NPC1L1: variants seen among roughly 807,000 people sequenced by gnomAD.
The protein encoded by NPC1L1 is NPC1 like intracellular cholesterol transporter 1.
In NPC1L1, 98 loss-of-function variants were observed where a neutral mutation model predicts 117.0. That is an observed-to-expected ratio of 0.84 (90% confidence interval 0.71 to 0.99). The LOEUF is 0.99. NPC1L1 is among the 50% of genes least tolerant of loss of function. The probability of loss-of-function intolerance (pLI) is 0.00; values close to 1 mark genes in which losing one functional copy is unlikely to be tolerated. For synonymous variants in NPC1L1, 729 were observed against 727.6 expected (o/e 1.00, Z -0.03); for missense variants, 1,540 against 1,710.0 (o/e 0.90, Z 1.75).
chr7:44,517,145 T>C, intron 15 of NPC1L1, 62 bp downstream of exon 15: 1 of 1,609,118 alleles, frequency 6.2e-7, no homozygotes, highest in South Asian at 1.1e-5. Context: ...CCCTCCACCC[T>C]AACCTCCAGT....
At chr7:44,532,934 T>G (rs978422166) in intron 8 of NPC1L1, among the ~76,000 whole-genome samples, 1 of 152,056 alleles carries the variant, frequency 6.6e-6, no homozygotes, top group African/African-American at 2.4e-5. Context: ...TGAAACCCCA[T>G]CTCTATTAAA....
At chr7:44,522,997 A>T (rs557168521) in intron 10 of NPC1L1, among the ~76,000 whole-genome samples, 4 of 152,340 alleles carry the variant, frequency 2.6e-5, no homozygotes, top group African/African-American at 9.6e-5. Context: ...GCACAGTAGG[A>T]AGTGTCAGGA....
At position 44,522,555 on chromosome 7, in the gene NPC1L1, T is replaced by G. The variant is rs1801395102; in HGVS notation, c.2638-313A>C. ...ACATGCTCAGAGGTCACACACAAGG[T>G]ACATATAGAGAAGGACATGCACAGA... On this transcript the variant is annotated intron_variant, in intron 10 of 18. Transcript: ENST00000381160. Among the ~76,000 whole-genome samples, 2 of 151,904 alleles carry G rather than the reference T, an allele frequency of 1.3e-5. 1 individual carries two copies. Among genetic ancestry groups the G allele is most frequent in the South Asian group, 4.2e-4 (2 of 4,814 alleles).
chr7:44,521,142 G>A (rs772405290), intron 12 of NPC1L1, 24 bp from the exon 13 acceptor site: 6 of 1,613,766 alleles, frequency 3.7e-6, no homozygotes, highest in African/African-American at 1.3e-5. Context: ...AGGGGTCTGG[G>A]CAGTGACACC....
rs780908405 is a variant in NPC1L1, at chr7:44,534,503, A to G, written c.2110T>C (p.Phe704Leu). The G allele has an allele frequency of 6.2e-7, 1 of 1,614,162 alleles. No homozygotes were observed. Among genetic ancestry groups the G allele is most frequent in the Non-Finnish European group, 8.5e-7 (1 of 1,180,022 alleles). The change falls in exon 6 of 19, where the codon TTC becomes CTC. Residue 704 changes from phenylalanine to leucine, a missense_variant. By Grantham distance (22) the Phe-to-Leu change is conservative. Coordinates refer to ENST00000381160, the MANE Select transcript of NPC1L1 (RefSeq NM_001101648.2). This position sits in a 1 kb window ranked among gnomAD's most constrained non-coding sequence, Gnocchi z 5.2. The part of the protein sequence containing the change: ...SSLVILQVVP[F>L]LVLSVGADNI... ...TCAGCCCCCACGGACAGCACCAGGAAAGGAACCACTTGCAGGATGACCAGG... is the reference window on the plus strand; with the variant it reads ...TCAGCCCCCACGGACAGCACCAGGAGAGGAACCACTTGCAGGATGACCAGG...
Position 44,513,600 on chromosome 7 carries a change from C to T in NPC1L1, c.3846G>A (p.Glu1282=). ...ALALEQKRAE[E]AVAAVMVASC... Reference sequence around the variant, plus strand: ...AGGCCACCATGACTGCTGCCACCGCCTCCTCAGCCCGCTTCTGCTCCAGTG... The same window carrying T: ...AGGCCACCATGACTGCTGCCACCGCTTCCTCAGCCCGCTTCTGCTCCAGTG... Residue 1282 remains glutamate (E), a synonymous_variant, in exon 19 of 19, where the codon GAG becomes GAA. Transcript: ENST00000381160. 12 of 1,613,832 alleles carry T rather than the reference C, an allele frequency of 7.4e-6. No homozygotes were observed. The highest frequency in any genetic ancestry group is 9.3e-6 in the Non-Finnish European group (11 of 1,180,034).
chr7:44,539,679 C>T lies in NPC1L1; in HGVS notation c.718G>A (p.Val240Ile), dbSNP rs765987133. ...CCTTGGGACTCATTGCAACGTGCAA[C>T]CCCCTCATTCAGAGGCTGAATCCCA... ...GSGIQPLNEG[V>I]ARCNESQGDD... The change falls in exon 2 of 19, where the codon GTT becomes ATT. Residue 240 changes from valine to isoleucine, a missense_variant. Physicochemically the swap from Val to Ile is conservative, Grantham distance 29. Around this residue, in one of 3 missense-constraint regions of NPC1L1, gnomAD observed 793 missense variants for 820.4 expected, o/e 0.97. Coordinates refer to ENST00000381160, the MANE Select transcript of NPC1L1 (RefSeq NM_001101648.2). This position sits in a 1 kb window ranked among gnomAD's most constrained non-coding sequence, Gnocchi z 4.4. 6.2e-7 allele frequency: 1 copy of T among 1,614,010 alleles called. No individual in the cohort carries two copies. The highest frequency in any genetic ancestry group is 1.1e-5 in the South Asian group (1 of 91,090).
chr7:44,532,339 A>T (rs1336382550), intron 8 of NPC1L1, 122 bp from the exon 9 acceptor site: 14 of 1,070,792 alleles, frequency 1.3e-5, no homozygotes, highest in Non-Finnish European at 1.8e-5. Context: ...TCATGGAGAC[A>T]TACCAGTGTG....
At chr7:44,529,470 C>T (rs1468287236) in intron 10 of NPC1L1, among the ~76,000 whole-genome samples, 1 of 151,658 alleles carries the variant, frequency 6.6e-6, no homozygotes, top group Non-Finnish European at 1.5e-5. Flanking sequence ...CCTCTGCCTC[C>T]CAGGTTCAAG....
In NPC1L1 at chr7:44,539,765, T is replaced by C. The variant is rs1377156796; in HGVS notation, c.632A>G (p.Asn211Ser). 2.5e-6 allele frequency: 4 copies of C among 1,613,992 alleles called. No individual in the cohort carries two copies. The highest frequency in any genetic ancestry group is 2.5e-6 in the Non-Finnish European group (3 of 1,180,024). Residue 211 changes from asparagine to serine, a missense_variant, in exon 2 of 19, where the codon AAT (asparagine) becomes AGT (serine). Asn to Ser is a conservative substitution (Grantham distance 46). This residue lies in a region of NPC1L1 where 793 missense variants were observed against 820.4 expected (regional missense o/e 0.97). Coordinates refer to ENST00000381160, the MANE Select transcript of NPC1L1 (RefSeq NM_001101648.2). This position sits in a 1 kb window ranked among gnomAD's most constrained non-coding sequence, Gnocchi z 4.4. ...RWLNFQGDTG[N>S]GLAPLDITFH... ...GGTGATGTCCAGTGGGGCCAGACCATTGCCTGTGTCTCCCTGGAAGTTGAG... is the reference window on the plus strand; with the variant it reads ...GGTGATGTCCAGTGGGGCCAGACCACTGCCTGTGTCTCCCTGGAAGTTGAG...
chr7:44,530,073 C>A (rs1031761668), intron 10 of NPC1L1, among the ~76,000 whole-genome samples: 1 of 150,886 alleles, frequency 6.6e-6, no homozygotes, highest in African/African-American at 2.4e-5. Context: ...TGCGGTGGCT[C>A]ACACCTGTAA....
Position 44,534,399 on chromosome 7 carries a change from G to A in NPC1L1, c.2166+48C>T, listed in dbSNP as rs1255034721. On this transcript the variant is annotated intron_variant, in intron 6 of 18. Coordinates refer to ENST00000381160, the MANE Select transcript of NPC1L1 (RefSeq NM_001101648.2). The surrounding 1 kb of genome is among the most constrained non-coding windows in gnomAD (Gnocchi z 5.2). Reference sequence around the variant, plus strand: ...TCCCATCAGGCCAGGAGGTGAGGTTGGGAGAAGAGTGGGCAGTTGGGGGTG... The same window carrying A: ...TCCCATCAGGCCAGGAGGTGAGGTTAGGAGAAGAGTGGGCAGTTGGGGGTG... 6.3e-7 allele frequency: 1 copy of A among 1,595,772 alleles called. No homozygotes were observed. The highest frequency in any genetic ancestry group is 1.1e-5 in the South Asian group (1 of 90,616).
chr7:44,541,203 C>T lies in NPC1L1; in HGVS notation c.54+3G>A, dbSNP rs1562574271. ...GGAGGTGGAGCCAAGCCCTGGGACT[C>T]ACCAAGCGCAGGAGCAGGGCCCACA... On this transcript the variant is annotated splice_donor_region_variant and intron_variant, in intron 1 of 18. Coordinates refer to ENST00000381160, the MANE Select transcript of NPC1L1 (RefSeq NM_001101648.2). 1.3e-6 allele frequency: 2 copies of T among 1,549,610 alleles called. No homozygotes were observed. The highest frequency in any genetic ancestry group is 1.7e-6 in the Non-Finnish European group (2 of 1,146,810).
At chr7:44,521,151 C>A (rs1381104142) in intron 12 of NPC1L1, 33 bp from the exon 13 acceptor site, 2 of 1,613,488 alleles carry the variant, frequency 1.2e-6, no homozygotes, top group African/African-American at 2.7e-5. Flanking sequence ...GGCAGTGACA[C>A]CCCAGGGCCA....
intron 10 of NPC1L1, 53 bp downstream of exon 10, chr7:44,531,702 C>T (rs980128266): frequency 2.7e-6 from 4 of 1,494,046 alleles, no homozygotes; most frequent in South Asian, 2.4e-5. Flanking sequence ...CTGGTTGCTA[C>T]TGCCCCTCCC....
intron 7 of NPC1L1, 57 bp from the exon 8 acceptor site, chr7:44,533,615 C>T (rs923360348): frequency 9.3e-6 from 15 of 1,613,374 alleles, no homozygotes; most frequent in East Asian, 4.5e-5. Context: ...GAGTGGTAGC[C>T]GACATTGACA....
intron 14 of NPC1L1, among the ~76,000 whole-genome samples, chr7:44,518,010 G>C (rs976462397): frequency 1.3e-5 from 2 of 151,790 alleles, no homozygotes; most frequent in Non-Finnish European, 2.9e-5. Flanking sequence ...CAGCTACTTG[G>C]GGGGCTGAGG....
rs1239248393 is a variant in NPC1L1 at position 44,538,308 on chromosome 7, G to A, written c.1580+509C>T. Among the ~76,000 whole-genome samples the A allele has an allele frequency of 4.6e-5, 7 of 152,218 alleles. No individual in the cohort carries two copies. Among genetic ancestry groups the A allele is most frequent in the Non-Finnish European group, 8.8e-5 (6 of 68,040 alleles). On this transcript the variant is annotated intron_variant, in intron 2 of 18. Coordinates refer to ENST00000381160, the MANE Select transcript of NPC1L1 (RefSeq NM_001101648.2). This position sits in a 1 kb window ranked among gnomAD's most constrained non-coding sequence, Gnocchi z 5.9. The stretch of plus-strand genomic sequence containing the variant: ...CGAACCCCAATCAATAGAAGTGTGT[G>A]TGGCTGTGGCCTACCCCAGGACACC...
intron 18 of NPC1L1, among the ~76,000 whole-genome samples, chr7:44,514,950 T>A (rs1585124926): frequency 6.6e-6 from 1 of 151,386 alleles, no homozygotes; most frequent in Admixed American, 6.6e-5. Context: ...GAGGCAGAGG[T>A]TGCAGGGAGC....
Sources: gnomAD v4.1 joint callset for allele counts (sites outside exome capture counted in the v4.1 genomes callset) on GRCh38, gnomAD v4.1.1 for gene constraint, gnomAD v4.1.1 regional missense constraint, Gnocchi (gnomAD v3.1) non-coding constraint, MANE v1.5 for transcripts, NCBI Gene and HGNC (gene_info 2026-07-23, HGNC 2026-07-21) for gene names.